Variants in C22orf42 observed in about 807,000 individuals in gnomAD.
The protein encoded by C22orf42 is uncharacterized protein C22orf42.
In C22orf42, 24 loss-of-function variants were observed where a neutral mutation model predicts 31.4. The observed-to-expected ratio is 0.77, with a 90% CI of 0.55 to 1.08. The LOEUF is 1.08. C22orf42 is among the 50% of genes least tolerant of loss of function. The pLI is 0.00. For missense variants in C22orf42, 276 were observed against 327.3 expected (o/e 0.84, Z 1.21); for synonymous variants, 96 against 112.7 (o/e 0.85, Z 0.94).
At position 32,151,395 on chromosome 22, in the gene C22orf42, G is replaced by T. The variant is rs773597158; in HGVS notation, c.465+92C>A. 3.8e-6 allele frequency: 5 copies of T among 1,304,682 alleles called. No homozygotes were observed. The Admixed American group carries it at 8.7e-5, about 23-fold the overall frequency. The allele number at this position is 1,304,682 out of a possible 1,614,324, so 80.8% of individuals were successfully genotyped here. ...TCCATGACACTGAGGCCTGAATCAT[G>T]ATGGCAGTCAAAAATGATATTCATT... is the stretch of plus-strand genomic sequence containing the variant. On this transcript the variant is annotated intron_variant, in intron 5 of 8. Transcript: ENST00000382097.
At chr22:32,160,193 T>C (rs1234847108), upstream of C22orf42, 6 of 152,248 alleles carry the variant, frequency 3.9e-5, no homozygotes, top group East Asian at 1.2e-3. Flanking sequence ...CGGCTCAAGA[T>C]GGGGCCAGAA....
chr22:32,159,167 A>T lies in C22orf42; in HGVS notation c.49T>A (p.Cys17Ser). 1.9e-6 allele frequency: 3 copies of T among 1,614,166 alleles called. No homozygotes were observed. The highest frequency in any genetic ancestry group is 2.5e-6 in the Non-Finnish European group (3 of 1,180,040). The change falls in exon 1 of 9, where the codon TGT becomes AGT. Residue 17 changes from cysteine to serine, a missense_variant. Cys to Ser is a moderately radical substitution (Grantham distance 112). Coordinates refer to ENST00000382097, the MANE Select transcript of C22orf42 (RefSeq NM_001010859.3). Reference sequence around the variant, plus strand: ...CCCACATCTGGCCTGCAGCAGTCACAGTTGAGGCCCCCGCTGGGGCCCAGG... The same window carrying T: ...CCCACATCTGGCCTGCAGCAGTCACTGTTGAGGCCCCCGCTGGGGCCCAGG... ...CCLGPSGGLN[C>S]DCCRPDVGPC... is the part of the protein sequence containing the mutation.
At position 32,152,097 on chromosome 22, in the gene C22orf42, G is replaced by A. The variant is rs1920997213; in HGVS notation, c.373-3C>T. ...TCGTGCTTGGCCTCAGGTATTTCCT[G>A]CAATAAGAGAAAAGAAAAAGAAACA... is the stretch of plus-strand genomic sequence containing the variant. On this transcript the variant is annotated splice_region_variant and splice_polypyrimidine_tract_variant and intron_variant, in intron 3 of 8. Coordinates refer to ENST00000382097, the MANE Select transcript of C22orf42 (RefSeq NM_001010859.3). 19 of 1,605,586 alleles carry A rather than the reference G, an allele frequency of 1.2e-5. No homozygotes were observed. In the East Asian group the frequency reaches 4.2e-4, roughly 36 times the overall value.
chr22:32,149,448 ATT>A lies in C22orf42; in HGVS notation c.*90_*91del. The A allele has an allele frequency of 2.2e-6, 3 of 1,335,784 alleles. No individual in the cohort carries two copies. Among genetic ancestry groups the A allele is most frequent in the Non-Finnish European group, 2.9e-6 (3 of 1,020,594 alleles). 82.7% of individuals were successfully genotyped at this position (1,335,784 alleles called of 1,614,324 possible). ...CAGTAGGAAGAGAGAGAGGCTTGTG[ATT>A]TTTTTTTCACCCAGATGGAAATATG... On this transcript the variant is annotated 3_prime_UTR_variant, in exon 9 of 9. Coordinates refer to ENST00000382097, the MANE Select transcript of C22orf42 (RefSeq NM_001010859.3).
intron 1 of C22orf42, among the ~76,000 whole-genome samples, chr22:32,154,976 C>T (rs1399527599): frequency 6.6e-6 from 1 of 152,160 alleles, no homozygotes; most frequent in Non-Finnish European, 1.5e-5. Flanking sequence ...TCCTTGATCC[C>T]CACATTAGCC....
At chr22:32,151,321 G>T (rs904183109) in intron 5 of C22orf42, among the ~76,000 whole-genome samples, 166 bp downstream of exon 5, 1 of 152,174 alleles carries the variant, frequency 6.6e-6, no homozygotes, top group Non-Finnish European at 1.5e-5. Context: ...GACGGCCATC[G>T]TCAATCAGGC....
intron 1 of C22orf42, among the ~76,000 whole-genome samples, chr22:32,155,927 G>T (rs1921237074): frequency 1.3e-5 from 2 of 152,112 alleles, no homozygotes; most frequent in South Asian, 4.1e-4. Flanking sequence ...ACCTAGGTAT[G>T]TGGAAGACTG....
In C22orf42 at chr22:32,149,594, C is replaced by T. The variant is rs184880738; in HGVS notation, c.702G>A (p.Arg234=). 1.4e-3 allele frequency: 2,064 copies of T among 1,526,762 alleles called. 4 individuals are homozygous for T. The highest frequency in any genetic ancestry group is 1.7e-3 in the Non-Finnish European group (1,961 of 1,131,138). The allele number at this position is 1,526,762 out of a possible 1,614,324, so 94.6% of individuals were successfully genotyped here. The change falls in exon 9 of 9, where the codon CGG becomes CGA. Residue 234 remains arginine, a synonymous_variant. Transcript: ENST00000382097. ...TGCTGATGGGTTCATTGAGCCGAGA[C>T]CGTGCCATCTTAACCCAGCCTAGGG... The part of the protein sequence containing the change: ...EDYLCWVKMA[R]SRLNEPISSQ...
chr22:32,152,610 C>T lies in C22orf42; in HGVS notation c.324G>A (p.Val108=). 2 of 1,613,780 alleles carry T rather than the reference C, an allele frequency of 1.2e-6. No individual in the cohort carries two copies. The highest frequency in any genetic ancestry group is 1.7e-6 in the Non-Finnish European group (2 of 1,179,700). Residue 108 remains valine, a synonymous_variant, in exon 3 of 9, where the codon GTG becomes GTA. Coordinates refer to ENST00000382097, the MANE Select transcript of C22orf42 (RefSeq NM_001010859.3). ...CCACACCGCCGTGTGCAGACGCCTG[C>T]ACATCTTCAGTGGGACCTAGGAGAA... is the stretch of plus-strand genomic sequence containing the variant. ...PLENIGPTED[V]QASAHGGVEE... is the part of the protein sequence containing the mutation.
chr22:32,151,188 G>T (rs1187935128), intron 5 of C22orf42, among the ~76,000 whole-genome samples, 169 bp from the exon 6 acceptor site: 2 of 151,918 alleles, frequency 1.3e-5, no homozygotes, highest in Non-Finnish European at 2.9e-5. Flanking sequence ...AATGCAGTGG[G>T]TTTTTTGGAA....
In C22orf42 at chr22:32,149,656, T is replaced by A. The variant is rs544032029; in HGVS notation, c.683-43A>T. 6,326 of 1,080,000 alleles carry A rather than the reference T, an allele frequency of 5.9e-3. 40 individuals are homozygous for A. The highest frequency in any genetic ancestry group is 0.02 in the South Asian group (809 of 41,244). The allele number at this position is 1,080,000 out of a possible 1,614,324, so 66.9% of individuals were successfully genotyped here. ...GACTTCATCTCAAAAAAAAAATATA[T>A]ATATATATATATCTACATATATGTA... On this transcript the variant is annotated intron_variant, in intron 8 of 8. Transcript: ENST00000382097.
chr22:32,150,821 C>G (rs577703519), intron 6 of C22orf42, 171 bp downstream of exon 6: 6 of 692,592 alleles, frequency 8.7e-6, no homozygotes, highest in African/African-American at 1.8e-5. Flanking sequence ...AGAGGAGTGA[C>G]TACTAGTGGG....
Position 32,152,862 on chromosome 22 carries a change from A to C in C22orf42, c.308-236T>G, listed in dbSNP as rs1921047262. On this transcript the variant is annotated intron_variant, in intron 2 of 8. Transcript: ENST00000382097. ...GCAACCTCATCAATGTCACCTTAAG[A>C]ACAGTTTAATACAGAAAGGCACTGT... 2.6e-5 allele frequency among the ~76,000 whole-genome samples: 4 copies of C among 152,268 alleles called. No individual in the cohort carries two copies. The South Asian group carries it at 8.3e-4, about 32-fold the overall frequency.
At position 32,154,256 on chromosome 22, in the gene C22orf42, G is replaced by A; in HGVS notation, c.295C>T (p.Leu99=). The A allele has an allele frequency of 6.2e-7, 1 of 1,608,272 alleles. No individual in the cohort carries two copies. The highest frequency in any genetic ancestry group is 8.5e-7 in the Non-Finnish European group (1 of 1,178,430). The change falls in exon 2 of 9, where the codon CTA becomes TTA. Residue 99 remains leucine (L), a synonymous_variant. Transcript: ENST00000382097. ...IIWRRHGIWP[L]ENIGPTEDVQ... is the part of the protein sequence containing the mutation. ...ATTTCCACATTACCTATATTTTCTAGAGGCCAAATCCCGTGCCGTCTCCAT... is the reference window on the plus strand; with the variant it reads ...ATTTCCACATTACCTATATTTTCTAAAGGCCAAATCCCGTGCCGTCTCCAT...
At chr22:32,149,927 G>A in intron 7 of C22orf42, 147 bp from the exon 8 acceptor site, 1 of 594,686 alleles carries the variant, frequency 1.7e-6, no homozygotes, top group Non-Finnish European at 2.8e-6. Flanking sequence ...TAGACGATGT[G>A]TGTGGAAAAG....
At chr22:32,152,260 TG>T (rs1193204117) in intron 3 of C22orf42, among the ~76,000 whole-genome samples, 166 bp from the exon 4 acceptor site, 1 of 152,136 alleles carries the variant, frequency 6.6e-6, no homozygotes, top group Non-Finnish European at 1.5e-5. Flanking sequence ...GAAAATGCAG[TG>T]GGTTTTTTGG....
At chr22:32,150,673 G>T (rs2094111417) in intron 6 of C22orf42, 194 bp from the exon 7 acceptor site, 2 of 642,402 alleles carry the variant, frequency 3.1e-6, no homozygotes, top group South Asian at 4.0e-5. Context: ...AAAGAGCCTT[G>T]GCTTTCTAGC....
intron 3 of C22orf42, 117 bp from the exon 4 acceptor site, chr22:32,152,211 A>G: frequency 8.3e-7 from 1 of 1,209,868 alleles, no homozygotes; most frequent in Non-Finnish European, 1.2e-6. Context: ...ACAGTGATCA[A>G]GTCACTGGCC....
chr22:32,154,154 C>T, intron 2 of C22orf42, 90 bp downstream of exon 2: 3 of 1,256,828 alleles, frequency 2.4e-6, no homozygotes, highest in East Asian at 4.7e-5. Context: ...CATGACATAG[C>T]ATTTACTGAG....
Sources: gnomAD v4.1 joint callset for allele counts (sites outside exome capture counted in the v4.1 genomes callset) on GRCh38, gnomAD v4.1.1 for gene constraint, MANE v1.5 for transcripts, NCBI Gene and HGNC (gene_info 2026-07-23, HGNC 2026-07-21) for gene names.